Variants in WWTR1 observed in about 807,000 individuals in gnomAD.
The protein encoded by WWTR1 is WW domain containing transcription regulator 1, also known as WW domain-containing transcription regulator protein 1.
In WWTR1, 13 loss-of-function variants were observed where a neutral mutation model predicts 40.1. That is an observed-to-expected ratio of 0.32 (90% CI 0.21 to 0.52). The LOEUF (loss-of-function observed/expected upper bound fraction) is 0.52. Ranked by LOEUF, WWTR1 falls within the 20% of genes least tolerant of loss-of-function variation. WWTR1 has a pLI of 0.97. For synonymous variants in WWTR1, 230 were observed against 210.1 expected, an observed-to-expected ratio of 1.09 and a Z score of -0.82; for missense variants, 436 against 523.1, an observed-to-expected ratio of 0.83 and a Z score of 1.63.
In WWTR1 at chr3:149,568,543, A is replaced by ACC. The variant is rs1560064434; in HGVS notation, c.568+4320_568+4321insGG. On this transcript the variant is annotated intron_variant, in intron 3 of 6. Coordinates refer to ENST00000360632, the MANE Select transcript of WWTR1 (RefSeq NM_015472.6). ...AAGTGCAAAAAAAAAAAAAAAAAAA[A>ACC]AAAAAAAAAAAAAAAAACCATATTT... 7.9e-5 allele frequency among the ~76,000 whole-genome samples: 10 copies of ACC among 127,086 alleles called. 1 individual carries two copies. In the East Asian group the frequency reaches 1.5e-3, roughly 19 times the overall value. 83.4% of individuals were successfully genotyped at this position (127,086 alleles called of 152,430 possible).
intron 4 of WWTR1, among the ~76,000 whole-genome samples, chr3:149,539,488 T>A (rs1460464019): frequency 6.6e-6 from 1 of 152,148 alleles, no homozygotes; most frequent in Non-Finnish European, 1.5e-5. Flanking sequence ...GAAGACAGGC[T>A]GTACAATTAA....
intron 3 of WWTR1, among the ~76,000 whole-genome samples, chr3:149,556,616 C>G (rs1033341820): frequency 2.0e-5 from 3 of 152,100 alleles, no homozygotes; most frequent in Non-Finnish European, 4.4e-5. Context: ...AGGAAAGAGG[C>G]CACTCCTTGG....
chr3:149,709,690 A>G (rs1715430744), intron 5 of WWTR1, among the ~76,000 whole-genome samples: 1 of 152,070 alleles, frequency 6.6e-6, no homozygotes, highest in South Asian at 2.1e-4. Flanking sequence ...GGATCACCTA[A>G]AGTTAGGAGT....
At chr3:149,648,820 C>T (rs980988504) in intron 2 of WWTR1, among the ~76,000 whole-genome samples, 4 of 152,102 alleles carry the variant, frequency 2.6e-5, no homozygotes, top group Non-Finnish European at 5.9e-5. Flanking sequence ...CTGATCCAGG[C>T]TCTAGGACCA....
chr3:149,577,536 G>A (rs1182137434), intron 2 of WWTR1, among the ~76,000 whole-genome samples: 5 of 151,906 alleles, frequency 3.3e-5, no homozygotes, highest in Non-Finnish European at 5.9e-5. Flanking sequence ...ACCAATTCCT[G>A]GCCTCCAATT....
chr3:149,594,026 C>T (rs1576585229), intron 2 of WWTR1, among the ~76,000 whole-genome samples: 1 of 152,138 alleles, frequency 6.6e-6, no homozygotes, highest in Non-Finnish European at 1.5e-5. Flanking sequence ...TTTCTTGGGT[C>T]AGAGACCTGC....
chr3:149,541,115 A>G (rs1452704594), intron 4 of WWTR1: 1 of 448,218 alleles, frequency 2.2e-6, no homozygotes, highest in African/African-American at 2.0e-5. Flanking sequence ...TTATTCATGT[A>G]TCTTGCTTCA....
chr3:149,695,728 T>C (rs1053020670), intron 1 of WWTR1, among the ~76,000 whole-genome samples: 1 of 132,418 alleles, frequency 7.6e-6, no homozygotes, highest in Admixed American at 8.3e-5. Context: ...ACCACTGCAC[T>C]CCAGCCTGGG....
chr3:149,667,248 AC>A (rs200886483), intron 2 of WWTR1, among the ~76,000 whole-genome samples: 3 of 152,032 alleles, frequency 2.0e-5, no homozygotes, highest in African/African-American at 7.2e-5. Context: ...ATAGGAAAAA[AC>A]AAATCTTACT....
At chr3:149,621,834 T>C (rs1382282847) in intron 2 of WWTR1, among the ~76,000 whole-genome samples, 2 of 152,258 alleles carry the variant, frequency 1.3e-5, no homozygotes, top group African/African-American at 2.4e-5. Context: ...TCTCTACTAC[T>C]GTTTCAACAT....
chr3:149,718,180 T>C (rs975786247), intron 4 of WWTR1, among the ~76,000 whole-genome samples: 14 of 152,314 alleles, frequency 9.2e-5, no homozygotes, highest in African/African-American at 3.4e-4. Flanking sequence ...TAGTGTCCCA[T>C]CTTCTCATTG....
intron 4 of WWTR1, among the ~76,000 whole-genome samples, chr3:149,536,014 A>G (rs1362534150): frequency 2.0e-5 from 3 of 152,212 alleles, no homozygotes; most frequent in Non-Finnish European, 2.9e-5. Flanking sequence ...CTGTGTCTCA[A>G]AAAGAGAAGA....
chr3:149,700,036 A>G (rs1280352195), intron 1 of WWTR1, among the ~76,000 whole-genome samples: 1 of 152,236 alleles, frequency 6.6e-6, no homozygotes, highest in Non-Finnish European at 1.5e-5. Context: ...TCTGCTGACT[A>G]TACAAGCGTA....
chr3:149,550,574 T>C (rs977408823), intron 3 of WWTR1, among the ~76,000 whole-genome samples: 2 of 152,190 alleles, frequency 1.3e-5, no homozygotes, highest in African/African-American at 4.8e-5. Flanking sequence ...GTCCCTACTG[T>C]GTGCTTAGCT....
At position 149,634,324 on chromosome 3, in the gene WWTR1, G is replaced by C. The variant is rs78426754; in HGVS notation, c.431+22552C>G. The stretch of plus-strand genomic sequence containing the variant: ...TTCTTGGCATAATTAAATGTGAACA[G>C]TGTGAGAACAATGCCTGGCACAAAG... On this transcript the variant is annotated intron_variant, in intron 2 of 6. Transcript: ENST00000360632. Among the ~76,000 whole-genome samples the C allele has an allele frequency of 3.6e-3, 547 of 152,312 alleles. 2 individuals carry two copies. The highest frequency in any genetic ancestry group is 0.013 in the African/African-American group (524 of 41,554).
chr3:149,556,570 TGCC>T (rs1490216735), intron 3 of WWTR1, among the ~76,000 whole-genome samples: 1 of 151,890 alleles, frequency 6.6e-6, no homozygotes, highest in Non-Finnish European at 1.5e-5. Context: ...CAGAGTGAGA[TGCC>T]GTCTCAAAAA....
intron 2 of WWTR1, among the ~76,000 whole-genome samples, chr3:149,598,849 G>A (rs1308094342): frequency 6.6e-6 from 1 of 152,062 alleles, no homozygotes; most frequent in Admixed American, 6.5e-5. Flanking sequence ...TAGAGCCCCA[G>A]AATCAGTACC....
intron 2 of WWTR1, among the ~76,000 whole-genome samples, chr3:149,589,232 G>A (rs1366013800): frequency 1.3e-5 from 2 of 152,160 alleles, no homozygotes; most frequent in Admixed American, 1.3e-4. Flanking sequence ...ATCCAGAAGG[G>A]AGCGGCATTT....
intron 3 of WWTR1, among the ~76,000 whole-genome samples, chr3:149,553,621 T>G (rs1169936960): frequency 3.3e-5 from 5 of 152,178 alleles, no homozygotes; most frequent in Non-Finnish European, 7.4e-5. Flanking sequence ...ATGGTAGACC[T>G]TCTGGCCATA....
Sources: gnomAD v4.1 joint callset for allele counts (sites outside exome capture counted in the v4.1 genomes callset) on GRCh38, gnomAD v4.1.1 for gene constraint, MANE v1.5 for transcripts, NCBI Gene and HGNC (gene_info 2026-07-23, HGNC 2026-07-21) for gene names.